The following PCDHA9 variants were observed in gnomAD, a reference collection of about 807,000 sequenced individuals.
PCDHA9 encodes protocadherin alpha-9.
A neutral mutation model predicts 62.0 loss-of-function variants in PCDHA9; 62 were observed. The ratio of observed to expected loss-of-function variants is 1.00; its 90% CI spans 0.81 to 1.23. PCDHA9 has a LOEUF of 1.23. PCDHA9 is among the 50% of genes most tolerant of loss of function. The pLI is 0.00. For synonymous variants in PCDHA9, 557 were observed against 567.6 expected, an observed-to-expected ratio of 0.98 and a Z score of 0.27; for missense variants, 1,205 against 1,249.8, an observed-to-expected ratio of 0.96 and a Z score of 0.54.
intron 1 of PCDHA9, among the ~76,000 whole-genome samples, chr5:140,947,396 A>G (rs113635864): frequency 6.6e-6 from 1 of 151,710 alleles, no homozygotes; most frequent in Non-Finnish European, 1.5e-5. Flanking sequence ...CACTAAAAGT[A>G]GACTGTCTTG....
At chr5:140,918,263 G>A (rs2078602453) in intron 1 of PCDHA9, among the ~76,000 whole-genome samples, 1 of 152,214 alleles carries the variant, frequency 6.6e-6, no homozygotes, top group East Asian at 1.9e-4. Context: ...TTTGCTGGAG[G>A]TTTTATCAGA....
chr5:140,921,824 A>G (rs1554200461), intron 1 of PCDHA9, among the ~76,000 whole-genome samples: 1 of 152,172 alleles, frequency 6.6e-6, no homozygotes. Flanking sequence ...GTGAATATCT[A>G]TACACATATA....
At chr5:140,992,514 G>A (rs1256283066) in intron 3 of PCDHA9, among the ~76,000 whole-genome samples, 1 of 152,176 alleles carries the variant, frequency 6.6e-6, no homozygotes, top group Non-Finnish European at 1.5e-5. Flanking sequence ...CTGGGGCATG[G>A]TAGCTAATGG....
chr5:140,880,970 C>A (rs2058546777), intron 1 of PCDHA9, among the ~76,000 whole-genome samples: 1 of 152,070 alleles, frequency 6.6e-6, no homozygotes, highest in South Asian at 2.1e-4. Context: ...TAAGAGAATA[C>A]CAAATACTCT....
chr5:140,888,446 A>G (rs1411131603), intron 1 of PCDHA9, among the ~76,000 whole-genome samples: 3 of 152,190 alleles, frequency 2.0e-5, no homozygotes, highest in Non-Finnish European at 2.9e-5. Context: ...GCCCAACAAT[A>G]AAGAATTAGC....
intron 1 of PCDHA9, among the ~76,000 whole-genome samples, chr5:140,972,955 C>T (rs1450892735): frequency 6.6e-6 from 1 of 152,080 alleles, no homozygotes; most frequent in African/African-American, 2.4e-5. Context: ...AGCCACCATG[C>T]CCGGCAAAGG....
At chr5:140,968,029 GGT>G in intron 1 of PCDHA9, 1 of 1,614,170 alleles carries the variant, frequency 6.2e-7, no homozygotes, top group African/African-American at 1.3e-5. Context: ...CCTATACACT[GGT>G]GGTGAGCGGC....
chr5:140,869,144 T>A, intron 1 of PCDHA9: 1 of 1,613,654 alleles, frequency 6.2e-7, no homozygotes, highest in Non-Finnish European at 8.5e-7. Context: ...ACCCCACGAC[T>A]ACAGCTCTGG....
intron 3 of PCDHA9, among the ~76,000 whole-genome samples, chr5:140,993,462 TCACACACACACACA>T (rs3836747): frequency 0.028 from 4,017 of 141,026 alleles, 179 homozygotes; most frequent in African/African-American, 0.099. Context: ...TCTTTCTTTC[TCACACACACACACA>T]CACACACACA....
intron 1 of PCDHA9, among the ~76,000 whole-genome samples, chr5:140,932,550 A>T (rs552367725): frequency 2.6e-5 from 4 of 152,058 alleles, no homozygotes; most frequent in Admixed American, 2.0e-4. Context: ...TTTAACATAC[A>T]TTCCACAAGT....
At chr5:140,898,471 C>G (rs1421437999) in intron 1 of PCDHA9, among the ~76,000 whole-genome samples, 1 of 152,108 alleles carries the variant, frequency 6.6e-6, no homozygotes, top group African/African-American at 2.4e-5. Flanking sequence ...GCTTGTTTTT[C>G]TCAGGTTTGT....
At chr5:140,889,347 T>A (rs531486529) in intron 1 of PCDHA9, among the ~76,000 whole-genome samples, 1 of 152,202 alleles carries the variant, frequency 6.6e-6, no homozygotes, top group South Asian at 2.1e-4. Context: ...GTGGGAATAT[T>A]TCTGATTACT....
At chr5:140,914,290 T>A (rs1412561039) in intron 1 of PCDHA9, among the ~76,000 whole-genome samples, 1 of 152,200 alleles carries the variant, frequency 6.6e-6, no homozygotes, top group Non-Finnish European at 1.5e-5. Context: ...AATTGTTATA[T>A]CCTCTTGCTG....
intron 1 of PCDHA9, among the ~76,000 whole-genome samples, chr5:140,908,256 A>T (rs192899359): frequency 6.6e-6 from 1 of 152,130 alleles, no homozygotes; most frequent in Non-Finnish European, 1.5e-5. Context: ...AACTGATCAT[A>T]GGGAACTCCC....
At chr5:140,996,922 A>T (rs2097752714) in intron 3 of PCDHA9, among the ~76,000 whole-genome samples, 1 of 152,198 alleles carries the variant, frequency 6.6e-6, no homozygotes, top group African/African-American at 2.4e-5. Flanking sequence ...AATATTAAAA[A>T]ATATAGCATT....
intron 1 of PCDHA9, among the ~76,000 whole-genome samples, chr5:140,937,072 C>G (rs1321046541): frequency 7.0e-6 from 1 of 143,792 alleles, no homozygotes; most frequent in East Asian, 2.0e-4. Flanking sequence ...GAGTCTCGCT[C>G]TGTCGCCCAG....
chr5:140,988,119 A>T (rs1238767411), intron 3 of PCDHA9, among the ~76,000 whole-genome samples: 1 of 152,174 alleles, frequency 6.6e-6, no homozygotes, highest in Non-Finnish European at 1.5e-5. Context: ...TTTAGAAAGC[A>T]TGCTGTTCCA....
At chr5:140,875,236 C>G (rs2055366681) in intron 1 of PCDHA9, 2 of 889,228 alleles carry the variant, frequency 2.2e-6, no homozygotes, top group East Asian at 2.9e-5. Context: ...CTTTCTTGTA[C>G]TTACATAATC....
At chr5:140,886,042 A>G (rs1450330062) in intron 1 of PCDHA9, among the ~76,000 whole-genome samples, 1 of 152,222 alleles carries the variant, frequency 6.6e-6, no homozygotes, top group African/African-American at 2.4e-5. Context: ...GTTTTCCCCA[A>G]TAGTAACATC....
Sources: gnomAD v4.1 joint callset for allele counts (sites outside exome capture counted in the v4.1 genomes callset) on GRCh38, gnomAD v4.1.1 for gene constraint, MANE v1.5 for transcripts, NCBI Gene and HGNC (gene_info 2026-07-23, HGNC 2026-07-21) for gene names.